The following PCCB variants were observed in gnomAD, a reference collection of about 807,000 sequenced individuals.
The protein encoded by PCCB is propionyl-CoA carboxylase subunit beta.
PCCB carries 43 observed loss-of-function variants against 60.7 expected under a neutral mutation model. The observed-to-expected ratio is 0.71, with a 90% CI of 0.55 to 0.91. The LOEUF (loss-of-function observed/expected upper bound fraction) is 0.91, where lower values mean the gene tolerates loss of function less well. Ranked by LOEUF, PCCB falls within the 40% of genes least tolerant of loss-of-function variation. The pLI, the probability that PCCB is intolerant of heterozygous loss-of-function variation, is 0.00. For missense variants in PCCB, 766 were observed against 702.8 expected, an observed-to-expected ratio of 1.09 and a Z score of -1.02; for synonymous variants, 276 against 255.9, an observed-to-expected ratio of 1.08 and a Z score of -0.75.
chr3:136,278,549 TG>T (rs1942392892), intron 5 of PCCB, among the ~76,000 whole-genome samples: 1 of 152,244 alleles, frequency 6.6e-6, no homozygotes, highest in African/African-American at 2.4e-5. Context: ...ATTCTTCTTT[TG>T]CCTATTGCTT....
chr3:136,312,427 A>G (rs1320125436), intron 9 of PCCB, among the ~76,000 whole-genome samples: 2 of 152,254 alleles, frequency 1.3e-5, no homozygotes, highest in East Asian at 1.9e-4. Context: ...ACCTTCCTAT[A>G]GGCAGTTTGT....
chr3:136,269,903 A>T (rs1277678428), intron 5 of PCCB, among the ~76,000 whole-genome samples: 12 of 151,094 alleles, frequency 7.9e-5, no homozygotes, highest in South Asian at 2.1e-4. Context: ...AAAAAAAAAA[A>T]AAAATAAGAG....
At chr3:136,312,271 G>C (rs1213891011) in intron 9 of PCCB, among the ~76,000 whole-genome samples, 1 of 152,216 alleles carries the variant, frequency 6.6e-6, no homozygotes, top group East Asian at 1.9e-4. Context: ...ACACACCTAG[G>C]ATCTGTGGTA....
chr3:136,286,143 C>T (rs1383449852), intron 6 of PCCB, among the ~76,000 whole-genome samples: 1 of 152,168 alleles, frequency 6.6e-6, no homozygotes, highest in African/African-American at 2.4e-5. Context: ...AGAATTGATA[C>T]ATAGATCTAT....
chr3:136,314,840 T>C (rs1173876672), intron 9 of PCCB, among the ~76,000 whole-genome samples: 1 of 152,208 alleles, frequency 6.6e-6, no homozygotes, highest in Non-Finnish European at 1.5e-5. Flanking sequence ...AGTCTCAACG[T>C]ATTTCCTCAC....
intron 6 of PCCB, among the ~76,000 whole-genome samples, chr3:136,290,143 G>A (rs1212419830): frequency 2.6e-5 from 4 of 151,920 alleles, no homozygotes; most frequent in African/African-American, 9.7e-5. Flanking sequence ...GTAGATATAA[G>A]TTTCTGATCT....
intron 13 of PCCB, among the ~76,000 whole-genome samples, 194 bp downstream of exon 13, chr3:136,327,926 CCTTT>C (rs879669624): frequency 1.8e-4 from 27 of 152,254 alleles, no homozygotes; most frequent in Non-Finnish European, 3.4e-4. Context: ...TGTCCTATAC[CCTTT>C]CTTCAGGCCC....
intron 3 of PCCB, among the ~76,000 whole-genome samples, chr3:136,256,890 T>C (rs992904545): frequency 4.6e-5 from 7 of 152,210 alleles, no homozygotes; most frequent in African/African-American, 1.7e-4. Flanking sequence ...GTGAATGAGA[T>C]TCCTCTTAGC....
At chr3:136,257,960 C>T (rs1382633573) in intron 3 of PCCB, among the ~76,000 whole-genome samples, 2 of 152,072 alleles carry the variant, frequency 1.3e-5, no homozygotes, top group African/African-American at 4.8e-5. Flanking sequence ...AATAGTTATA[C>T]TTGGTTAATT....
Position 136,273,547 on chromosome 3 carries a change from C to G in PCCB, c.544-10290C>G, listed in dbSNP as rs191869477. Among the ~76,000 whole-genome samples, 493 of 121,336 alleles carry G rather than the reference C, an allele frequency of 4.1e-3. 11 individuals are homozygous for G. The highest frequency in any genetic ancestry group is 0.035 in the Admixed American group (448 of 12,672). 79.6% of individuals were successfully genotyped at this position (121,336 alleles called of 152,430 possible). On this transcript the variant is annotated intron_variant, in intron 5 of 14. Coordinates refer to ENST00000251654, the MANE Select transcript of PCCB (RefSeq NM_000532.5). ...ATAATATCTTTTTGTTGGATTGTTC[C>G]TTTTATTATATAATGACCTTCTTTT...
intron 5 of PCCB, among the ~76,000 whole-genome samples, chr3:136,280,387 C>T (rs982736111): frequency 6.6e-6 from 1 of 152,166 alleles, no homozygotes; most frequent in Non-Finnish European, 1.5e-5. Flanking sequence ...TGCTCTGTTG[C>T]CCAGGATGGA....
intron 3 of PCCB, 120 bp from the exon 4 acceptor site, chr3:136,260,359 T>G (rs1336565506): frequency 1.1e-4 from 88 of 810,836 alleles, no homozygotes; most frequent in Middle Eastern, 2.7e-4. Flanking sequence ...ATTACAGGCA[T>G]GAGCCACCAC....
chr3:136,317,838 C>G (rs1003249666), intron 10 of PCCB, among the ~76,000 whole-genome samples: 1 of 152,146 alleles, frequency 6.6e-6, no homozygotes, highest in Non-Finnish European at 1.5e-5. Context: ...TATGGCCAGA[C>G]CTGATTCGCA....
intron 9 of PCCB, among the ~76,000 whole-genome samples, chr3:136,313,765 G>C (rs1262296955): frequency 6.6e-6 from 1 of 152,108 alleles, no homozygotes; most frequent in African/African-American, 2.4e-5. Flanking sequence ...GACCAAAATA[G>C]CTGTAAAAAA....
chr3:136,290,675 T>TTTTTTTTTTG (rs1553778412), intron 6 of PCCB, among the ~76,000 whole-genome samples: 1 of 136,674 alleles, frequency 7.3e-6, no homozygotes, highest in Non-Finnish European at 1.6e-5. Flanking sequence ...TGTGTAGTTT[T>TTTTTTTTTTG]TTTTTTTTTT....
chr3:136,310,318 G>A (rs183937180), intron 9 of PCCB, among the ~76,000 whole-genome samples: 98 of 151,244 alleles, frequency 6.5e-4, no homozygotes, highest in African/African-American at 2.3e-3. Flanking sequence ...AGCCAAGATC[G>A]TGCCATTGCA....
intron 1 of PCCB, chr3:136,252,476 A>AC: frequency 2.8e-6 from 1 of 352,570 alleles, no homozygotes; most frequent in Non-Finnish European, 5.6e-6. Flanking sequence ...TGAACTCCTG[A>AC]CCTCAGGTGA....
chr3:136,255,436 G>C (rs1470225099), intron 1 of PCCB: 1 of 279,622 alleles, frequency 3.6e-6, no homozygotes, highest in Non-Finnish European at 7.0e-6. Context: ...TGCTTCTGTA[G>C]GTCTCCCTAG....
intron 6 of PCCB, among the ~76,000 whole-genome samples, chr3:136,285,188 C>T (rs1278395319): frequency 6.6e-6 from 1 of 151,920 alleles, no homozygotes; most frequent in Non-Finnish European, 1.5e-5. Context: ...ATATACACAC[C>T]TAGCTGGTGC....
Sources: gnomAD v4.1 joint callset for allele counts (sites outside exome capture counted in the v4.1 genomes callset) on GRCh38, gnomAD v4.1.1 for gene constraint, MANE v1.5 for transcripts, NCBI Gene and HGNC (gene_info 2026-07-23, HGNC 2026-07-21) for gene names.